The following DSCAM variants were observed in gnomAD, a reference collection of about 807,000 sequenced individuals.
The protein encoded by DSCAM is cell adhesion molecule DSCAM.
A neutral mutation model predicts 217.7 loss-of-function variants in DSCAM; 47 were observed. The observed-to-expected ratio is 0.22, with a 90% CI of 0.17 to 0.28. The LOEUF is 0.28. DSCAM is among the 10% of genes least tolerant of loss of function. The pLI is 1.00. For synonymous variants in DSCAM, 1,056 were observed against 1,015.3 expected, an observed-to-expected ratio of 1.04 and a Z score of -0.76; for missense variants, 2,080 against 2,618.3, an observed-to-expected ratio of 0.79 and a Z score of 4.49.
At chr21:40,216,989 C>T (rs1423549732) in intron 11 of DSCAM, among the ~76,000 whole-genome samples, 1 of 152,308 alleles carries the variant, frequency 6.6e-6, no homozygotes, top group Non-Finnish European at 1.5e-5. Flanking sequence ...ACTAATGATT[C>T]CATTCCCAGG....
At chr21:40,288,176 C>A (rs61471922) in intron 10 of DSCAM, among the ~76,000 whole-genome samples, 4,813 of 152,124 alleles carry the variant, frequency 0.032, 263 homozygotes, top group African/African-American at 0.11. Flanking sequence ...GCCCAGAAAA[C>A]CAAGGAGGAC....
chr21:40,271,055 G>A (rs1013757707), intron 11 of DSCAM, among the ~76,000 whole-genome samples: 6 of 152,252 alleles, frequency 3.9e-5, no homozygotes, highest in African/African-American at 1.4e-4. Flanking sequence ...ATAACATGGA[G>A]ATCTGTCCAG....
intron 3 of DSCAM, among the ~76,000 whole-genome samples, chr21:40,630,505 G>A (rs929809152): frequency 6.6e-6 from 1 of 152,254 alleles, no homozygotes; most frequent in African/African-American, 2.4e-5. Context: ...CACCATGTTG[G>A]CCAGGCTGGT....
At position 40,156,287 on chromosome 21, in the gene DSCAM, C is replaced by CAGAGAGAGAGAGAG. The variant is rs749781848; in HGVS notation, c.3018+10917_3018+10930dup. ...GGAAGCTGTGACAGTCAAACTAAGA[C>CAGAGAGAGAGAGAG]AGAGAGAGAGAGAGAGAGAGAGAGA... On this transcript the variant is annotated intron_variant, in intron 16 of 32. Transcript: ENST00000400454. 1.2e-3 allele frequency among the ~76,000 whole-genome samples: 90 copies of CAGAGAGAGAGAGAG among 75,746 alleles called. 5 individuals are homozygous for CAGAGAGAGAGAGAG. Among genetic ancestry groups the CAGAGAGAGAGAGAG allele is most frequent in the South Asian group, 2.3e-3 (3 of 1,288 alleles). 49.7% of individuals were successfully genotyped at this position (75,746 alleles called of 152,430 possible).
chr21:40,451,809 T>C (rs1016267327), intron 3 of DSCAM, among the ~76,000 whole-genome samples: 5 of 152,152 alleles, frequency 3.3e-5, no homozygotes, highest in African/African-American at 9.7e-5. Context: ...ATTGGAACAC[T>C]AAACATGTGG....
At chr21:40,265,062 A>AG (rs1421343610) in intron 11 of DSCAM, among the ~76,000 whole-genome samples, 9 of 140,650 alleles carry the variant, frequency 6.4e-5, no homozygotes, top group Non-Finnish European at 1.0e-4. Flanking sequence ...GTGTAGTGAC[A>AG]GGCATCTATA....
chr21:40,054,249 C>T (rs1209106077), intron 29 of DSCAM, among the ~76,000 whole-genome samples: 1 of 152,152 alleles, frequency 6.6e-6, no homozygotes, highest in African/African-American at 2.4e-5. Flanking sequence ...ATCTTGTGTA[C>T]TTTAGGGCAG....
At chr21:40,253,268 C>T (rs557168922) in intron 11 of DSCAM, among the ~76,000 whole-genome samples, 1 of 152,342 alleles carries the variant, frequency 6.6e-6, no homozygotes, top group South Asian at 2.1e-4. Flanking sequence ...TATCATTCTC[C>T]TAACTCTGTT....
rs756575235 is a variant in DSCAM, at chr21:40,124,244, T to C, written c.3647A>G (p.Asn1216Ser). 6 of 1,613,892 alleles carry C rather than the reference T, an allele frequency of 3.7e-6. No homozygotes were observed. Among genetic ancestry groups the C allele is most frequent in the Non-Finnish European group, 5.1e-6 (6 of 1,180,000 alleles). The part of the protein sequence containing the change: ...FVSWLPPLKL[N>S]GIIRKYTVFC... ...TACAGTGTACTTTCGGATGATGCCG[T>C]TCAGCTTGAGAGGGGGAAGCCAGGA... is the stretch of plus-strand genomic sequence containing the variant. The change falls in exon 20 of 33, where the codon AAC becomes AGC. Residue 1216 changes from asparagine to serine, a missense_variant. Physicochemically the swap from Asn to Ser is conservative, Grantham distance 46. Around this residue, in one of 5 missense-constraint regions of DSCAM, gnomAD observed 1,144 missense variants for 1,421.1 expected, o/e 0.81. Transcript: ENST00000400454.
At position 40,426,244 on chromosome 21, in the gene DSCAM, A is replaced by G. The variant is rs544467405; in HGVS notation, c.509-56999T>C. Among the ~76,000 whole-genome samples, 10 of 152,376 alleles carry G rather than the reference A, an allele frequency of 6.6e-5. No homozygotes were observed. The East Asian group carries it at 1.9e-3, about 29-fold the overall frequency. Reference sequence around the variant, plus strand: ...TAGCCTGACTGCTGTCACAGTTAACAGAAGCTGCATAGATGGGTCTGCCTA... The same window carrying G: ...TAGCCTGACTGCTGTCACAGTTAACGGAAGCTGCATAGATGGGTCTGCCTA... On this transcript the variant is annotated intron_variant, in intron 3 of 32. Transcript: ENST00000400454.
At chr21:40,530,732 C>T (rs949750021) in intron 3 of DSCAM, among the ~76,000 whole-genome samples, 2 of 152,146 alleles carry the variant, frequency 1.3e-5, no homozygotes, top group African/African-American at 4.8e-5. Flanking sequence ...TTTCCTCAGG[C>T]CCCTCCTAGA....
chr21:40,639,832 C>T (rs554819812), intron 3 of DSCAM, among the ~76,000 whole-genome samples: 184 of 152,216 alleles, frequency 1.2e-3, no homozygotes, highest in Non-Finnish European at 1.9e-3. Context: ...AACAAAAATG[C>T]TTTTTCCCTC....
At chr21:40,118,252 C>T (rs1294131853) in intron 20 of DSCAM, among the ~76,000 whole-genome samples, 1 of 152,164 alleles carries the variant, frequency 6.6e-6, no homozygotes, top group African/African-American at 2.4e-5. Context: ...AGTGGGAAGG[C>T]TTCTGACTTG....
chr21:40,133,200 T>G (rs1433822186), intron 19 of DSCAM, among the ~76,000 whole-genome samples: 1 of 152,188 alleles, frequency 6.6e-6, no homozygotes, highest in East Asian at 1.9e-4. Context: ...CCCCTCAGAG[T>G]TTCCCTTAAA....
chr21:40,656,766 T>C (rs1320521817), intron 3 of DSCAM, among the ~76,000 whole-genome samples: 3 of 152,230 alleles, frequency 2.0e-5, no homozygotes, highest in Non-Finnish European at 4.4e-5. Context: ...CCTACTCATT[T>C]CAGGCCAATG....
chr21:40,058,450 T>C (rs2089063457), intron 28 of DSCAM, among the ~76,000 whole-genome samples: 1 of 152,168 alleles, frequency 6.6e-6, no homozygotes, highest in African/African-American at 2.4e-5. Flanking sequence ...CACTGGAAAA[T>C]ATGCTCCACC....
At chr21:40,169,517 C>CCGTCCT (rs1159422524) in intron 15 of DSCAM, among the ~76,000 whole-genome samples, 3 of 152,124 alleles carry the variant, frequency 2.0e-5, no homozygotes, top group African/African-American at 7.2e-5. Flanking sequence ...CTCCACAGCT[C>CCGTCCT]CGTCCTCGCA....
At chr21:40,222,260 A>T (rs1284508650) in intron 11 of DSCAM, among the ~76,000 whole-genome samples, 1 of 152,228 alleles carries the variant, frequency 6.6e-6, no homozygotes, top group African/African-American at 2.4e-5. Flanking sequence ...TGTATAATGG[A>T]GTGCATCAAC....
At chr21:40,729,195 TTGC>T (rs553379372) in intron 1 of DSCAM, among the ~76,000 whole-genome samples, 84 of 152,350 alleles carry the variant, frequency 5.5e-4, no homozygotes, top group African/African-American at 1.9e-3. Context: ...CAGGCTGCTA[TTGC>T]TGCTATTTTT....
Sources: allele counts gnomAD v4.1 joint callset (sites outside exome capture counted in the v4.1 genomes callset), GRCh38; gene constraint gnomAD v4.1.1; regional missense constraint gnomAD v4.1.1; transcripts MANE v1.5; gene names NCBI Gene and HGNC (gene_info 2026-07-23, HGNC 2026-07-21).